The following LGR6 variants were observed in gnomAD, a reference collection of about 807,000 sequenced individuals.
LGR6 encodes leucine rich repeat containing G protein-coupled receptor 6.
Under a neutral mutation model 69.4 loss-of-function variants are expected in LGR6, and 45 were observed. The ratio of observed to expected loss-of-function variants is 0.65; its 90% CI spans 0.51 to 0.83. The LOEUF (loss-of-function observed/expected upper bound fraction) is 0.83. Ranked by LOEUF, LGR6 falls within the 40% of genes least tolerant of loss-of-function variation. LGR6 has a pLI of 0.00. For synonymous variants in LGR6, 538 were observed against 555.0 expected, an observed-to-expected ratio of 0.97 and a Z score of 0.43; for missense variants, 1,108 against 1,246.7, an observed-to-expected ratio of 0.89 and a Z score of 1.68.
intron 1 of LGR6, among the ~76,000 whole-genome samples, chr1:202,208,758 A>G (rs976142473): frequency 6.6e-6 from 1 of 152,018 alleles, no homozygotes; most frequent in Non-Finnish European, 1.5e-5. Context: ...CATTAGCTTC[A>G]CTGTCTAGAT....
At chr1:202,201,573 T>C (rs1658835606) in intron 1 of LGR6, among the ~76,000 whole-genome samples, 1 of 152,144 alleles carries the variant, frequency 6.6e-6, no homozygotes, top group South Asian at 2.1e-4. Flanking sequence ...CCAGGCAGCC[T>C]CCCTCCTACC....
chr1:202,248,600 C>G (rs551640859), intron 4 of LGR6, among the ~76,000 whole-genome samples: 3 of 152,294 alleles, frequency 2.0e-5, no homozygotes, highest in Non-Finnish European at 4.4e-5. Context: ...GGGGTCTGGA[C>G]TATGGAGAGG....
chr1:202,297,172 T>C (rs1667221460), intron 6 of LGR6, among the ~76,000 whole-genome samples: 1 of 152,158 alleles, frequency 6.6e-6, no homozygotes, highest in South Asian at 2.1e-4. Context: ...ACTTCCCCCC[T>C]TCCTCCACTC....
rs1319480813 is a variant in LGR6 at position 202,309,864 on chromosome 1, A to C, written c.1407-333A>C. The stretch of plus-strand genomic sequence containing the variant: ...CTGGGAGAAGAAGCAGAGCACTGGC[A>C]GTGCTGTGTGAGCTTGGGGAAGCCT... On this transcript the variant is annotated intron_variant, in intron 15 of 17. Transcript: ENST00000367278. Among the ~76,000 whole-genome samples the C allele has an allele frequency of 2.0e-5, 3 of 152,246 alleles. 1 individual carries two copies. Among genetic ancestry groups the C allele is most frequent in the Non-Finnish European group, 4.4e-5 (3 of 68,036 alleles).
In LGR6 at chr1:202,251,780, T is replaced by C. The variant is rs531104301; in HGVS notation, c.428+15787T>C. Among the ~76,000 whole-genome samples the C allele has an allele frequency of 2.8e-4, 43 of 152,104 alleles. 1 individual carries two copies. The highest frequency in any genetic ancestry group is 1.0e-3 in the African/African-American group (43 of 41,474). ...CTGCTAACTGGGGGCCTGAAGGGCC[T>C]TAGAGTAAAACCCCCCTCAGAACAT... On this transcript the variant is annotated intron_variant, in intron 4 of 17. Coordinates refer to ENST00000367278, the MANE Select transcript of LGR6 (RefSeq NM_001017403.2).
In LGR6 at chr1:202,266,886, CCTCT is replaced by C. The variant is rs749593926; in HGVS notation, c.429-9413_429-9410del. Among the ~76,000 whole-genome samples the C allele has an allele frequency of 5.8e-5, 8 of 137,046 alleles. No individual in the cohort carries two copies. In the East Asian group the frequency reaches 7.2e-4, roughly 12 times the overall value. The allele number at this position is 137,046 out of a possible 152,430, so 89.9% of individuals were successfully genotyped here. On this transcript the variant is annotated intron_variant, in intron 4 of 17. Transcript: ENST00000367278. ...CATTTTCAGACACAGCCTCTCTTTT[CCTCT>C]CTCTCTAACGCGCGCACACACACAC...
At chr1:202,214,372 G>C in intron 1 of LGR6, 1 of 931,062 alleles carries the variant, frequency 1.1e-6, no homozygotes, top group Non-Finnish European at 1.5e-6. Context: ...CATTGTTCTG[G>C]GAGCCGAGGC....
At chr1:202,227,382 TA>T (rs1660639199) in intron 2 of LGR6, among the ~76,000 whole-genome samples, 1 of 152,202 alleles carries the variant, frequency 6.6e-6, no homozygotes, top group African/African-American at 2.4e-5. Context: ...ATTGCCCCGA[TA>T]AACATGGAAA....
chr1:202,307,655 T>C (rs1572012362), intron 14 of LGR6, among the ~76,000 whole-genome samples: 1 of 151,794 alleles, frequency 6.6e-6, no homozygotes, highest in African/African-American at 2.4e-5. Flanking sequence ...GCCCTCCTCA[T>C]CCCCCCTGCC....
At position 202,225,414 on chromosome 1, in the gene LGR6, C is replaced by T; in HGVS notation, c.213-9C>T. 3 of 1,613,390 alleles carry T rather than the reference C, an allele frequency of 1.9e-6. No individual in the cohort carries two copies. The highest frequency in any genetic ancestry group is 2.5e-6 in the Non-Finnish European group (3 of 1,179,442). On this transcript the variant is annotated splice_polypyrimidine_tract_variant and intron_variant, in intron 1 of 17. Coordinates refer to ENST00000367278, the MANE Select transcript of LGR6 (RefSeq NM_001017403.2). Reference sequence around the variant, plus strand: ...TTCACAGCTCCTTTTTCCATCTTCTCTCCACCAGGGACCTCAGCATGAACA... The same window carrying T: ...TTCACAGCTCCTTTTTCCATCTTCTTTCCACCAGGGACCTCAGCATGAACA...
At chr1:202,257,304 A>G (rs145678580) in intron 4 of LGR6, among the ~76,000 whole-genome samples, 4 of 152,158 alleles carry the variant, frequency 2.6e-5, no homozygotes, top group African/African-American at 4.8e-5. Flanking sequence ...TTTAATTTCA[A>G]TGAAGTCCAA....
intron 1 of LGR6, among the ~76,000 whole-genome samples, chr1:202,206,889 TTTTATTTATTTATTTA>T (rs139647235): frequency 0.064 from 9,029 of 141,308 alleles, 391 homozygotes; most frequent in Admixed American, 0.14. Flanking sequence ...CTGCAAATTA[TTTTATTTATTTATTTA>T]TTTATTTATT....
At chr1:202,280,953 G>A in intron 6 of LGR6, 101 bp downstream of exon 6, 1 of 1,070,320 alleles carries the variant, frequency 9.3e-7, no homozygotes, top group Non-Finnish European at 1.4e-6. Context: ...AGCAGTCCTG[G>A]GATGCTGGGG....
At chr1:202,229,376 A>G (rs566209186) in intron 3 of LGR6, among the ~76,000 whole-genome samples, 3 of 151,948 alleles carry the variant, frequency 2.0e-5, no homozygotes, top group East Asian at 1.9e-4. Flanking sequence ...CTCTCTCCCC[A>G]TAAACTTCTC....
chr1:202,298,175 G>A (rs896660148), intron 7 of LGR6, among the ~76,000 whole-genome samples: 1 of 152,198 alleles, frequency 6.6e-6, no homozygotes, highest in Admixed American at 6.5e-5. Context: ...GGACAAAATG[G>A]TATATAACTC....
intron 1 of LGR6, among the ~76,000 whole-genome samples, chr1:202,213,725 G>T (rs1440879544): frequency 2.0e-5 from 3 of 152,164 alleles, no homozygotes; most frequent in Non-Finnish European, 4.4e-5. Flanking sequence ...ATCTTATGGG[G>T]AATATTAGAT....
Position 202,286,737 on chromosome 1 carries a change from A to T in LGR6, c.716+5885A>T, listed in dbSNP as rs567216220. Among the ~76,000 whole-genome samples the T allele has an allele frequency of 6.9e-4, 105 of 151,670 alleles. 1 individual carries two copies. In the South Asian group the frequency reaches 0.017, roughly 25 times the overall value. On this transcript the variant is annotated intron_variant, in intron 6 of 17. Transcript: ENST00000367278. ...GAGGAATTTATTGCTCCATATAAAA[A>T]TTTTTTTTTCTGGCTTCCCCCGCAG...
At chr1:202,207,230 A>G (rs1175595063) in intron 1 of LGR6, among the ~76,000 whole-genome samples, 1 of 152,074 alleles carries the variant, frequency 6.6e-6, no homozygotes, top group South Asian at 2.1e-4. Context: ...CCTGCAAATT[A>G]TGGAGCCCTT....
In LGR6 at chr1:202,228,794, G is replaced by A. The variant is rs563554233; in HGVS notation, c.356+787G>A. On this transcript the variant is annotated intron_variant, in intron 3 of 17. Coordinates refer to ENST00000367278, the MANE Select transcript of LGR6 (RefSeq NM_001017403.2). ...TAGGAGAGGTTCCCAGGGAGGTCGCGTTGCCACAGGGTCTGGTTTGGGAAG... is the reference window on the plus strand; with the variant it reads ...TAGGAGAGGTTCCCAGGGAGGTCGCATTGCCACAGGGTCTGGTTTGGGAAG... Among the ~76,000 whole-genome samples, 3 of 152,292 alleles carry A rather than the reference G, an allele frequency of 2.0e-5. No homozygotes were observed. In the South Asian group the frequency reaches 6.2e-4, roughly 32 times the overall value.
Sources: gnomAD v4.1 joint callset for allele counts (sites outside exome capture counted in the v4.1 genomes callset) on GRCh38, gnomAD v4.1.1 for gene constraint, MANE v1.5 for transcripts, NCBI Gene and HGNC (gene_info 2026-07-23, HGNC 2026-07-21) for gene names.